Variants in NFIC observed in about 807,000 individuals in gnomAD.
The protein encoded by NFIC is nuclear factor I C, also known as nuclear factor 1 C-type.
A neutral mutation model predicts 54.4 loss-of-function variants in NFIC; 12 were observed. That is an observed-to-expected ratio of 0.22 (90% CI 0.14 to 0.36). The LOEUF is 0.36. Among genes scored for constraint, NFIC ranks in the 10% least tolerant of loss-of-function variants. The pLI, the probability that NFIC is intolerant of heterozygous loss-of-function variation, is 1.00. For synonymous variants in NFIC, 322 were observed against 319.2 expected (o/e 1.01, Z -0.09); for missense variants, 575 against 718.2 (o/e 0.80, Z 2.28).
chr19:3,379,681 T>A (rs55952610), intron 1 of NFIC, among the ~76,000 whole-genome samples: 2 of 51,214 alleles, frequency 3.9e-5, no homozygotes, highest in Non-Finnish European at 1.3e-4. Flanking sequence ...TTCTTTTTTT[T>A]TTTTTTTTTT....
Position 3,375,331 on chromosome 19 carries a change from G to A in NFIC, c.31-6381G>A, listed in dbSNP as rs535816004. Among the ~76,000 whole-genome samples the A allele has an allele frequency of 1.2e-3, 184 of 152,250 alleles. 1 individual carries two copies. Among genetic ancestry groups the A allele is most frequent in the African/African-American group, 4.2e-3 (176 of 41,556 alleles). On this transcript the variant is annotated intron_variant, in intron 1 of 10. Transcript: ENST00000443272. The surrounding 1 kb of genome is among the most constrained non-coding windows in gnomAD (Gnocchi z 4.6). The stretch of plus-strand genomic sequence containing the variant: ...CATCTCCTCCACAGGCAGGTCCTGC[G>A]CCTCTATGGGTCCTCTCTGCCGCGT...
intron 6 of NFIC, among the ~76,000 whole-genome samples, chr19:3,445,194 T>A (rs2082357305): frequency 6.7e-6 from 1 of 149,644 alleles, no homozygotes; most frequent in Admixed American, 6.6e-5. Context: ...CACATGCATG[T>A]ATTCACATGC....
intron 3 of NFIC, among the ~76,000 whole-genome samples, chr19:3,429,919 G>T (rs929309933): frequency 6.6e-6 from 1 of 152,152 alleles, no homozygotes; most frequent in African/African-American, 2.4e-5. Flanking sequence ...GTCACGGGGC[G>T]GTTGCCAGGC....
intron 10 of NFIC, 94 bp from the exon 11 acceptor site, chr19:3,462,658 G>A (rs926718050): frequency 7.1e-7 from 1 of 1,404,282 alleles, no homozygotes; most frequent in Non-Finnish European, 1.0e-6. Context: ...GGGTGAGCGT[G>A]GGAAGAGGTA....
chr19:3,361,783 C>T (rs966488920), upstream of NFIC, among the ~76,000 whole-genome samples: 1 of 152,138 alleles, frequency 6.6e-6, no homozygotes, highest in Non-Finnish European at 1.5e-5. Flanking sequence ...CAGCACACGG[C>T]ATGGCCCTCT....
intron 1 of NFIC, among the ~76,000 whole-genome samples, chr19:3,360,440 G>A (rs2080796136): frequency 6.6e-6 from 1 of 151,538 alleles, no homozygotes; most frequent in Non-Finnish European, 1.5e-5. Context: ...GGCTGCACTT[G>A]GGGTTCCGGT....
In NFIC at chr19:3,463,676, C is replaced by T; in HGVS notation, c.*907C>T. The T allele has an allele frequency of 2.0e-6, 2 of 982,856 alleles. No individual in the cohort carries two copies. Among genetic ancestry groups the T allele is most frequent in the Non-Finnish European group, 1.2e-6 (1 of 828,738 alleles). 60.9% of individuals were successfully genotyped at this position (982,856 alleles called of 1,614,324 possible). ...GCCCCCCCACCTCGCCCGGCTCACA[C>T]CCCCAAAGGGAGGGACCCACATTGC... is the stretch of plus-strand genomic sequence containing the variant. On this transcript the variant is annotated 3_prime_UTR_variant, in exon 11 of 11. Coordinates refer to ENST00000443272, the MANE Select transcript of NFIC (RefSeq NM_001245002.2).
rs201575539 is a variant in NFIC, at chr19:3,452,552, C to G, written c.1155C>G (p.Ala385=). 728 of 1,613,866 alleles carry G rather than the reference C, an allele frequency of 4.5e-4. 5 individuals carry two copies. The highest frequency in any genetic ancestry group is 2.8e-4 in the Admixed American group (17 of 60,004). The change falls in exon 8 of 11, where the codon GCC becomes GCG. Residue 385 remains alanine, a synonymous_variant. Transcript: ENST00000443272. This position sits in a 1 kb window ranked among gnomAD's most constrained non-coding sequence, Gnocchi z 5.3. ...FPTTSILPQT[A]STYFPHTAIR... ...CGACGTCCATCCTACCCCAGACGGC[C>G]TCCACCTACTTCCCCCACACGGCCA...
At chr19:3,403,768 C>T (rs975713296) in intron 2 of NFIC, among the ~76,000 whole-genome samples, 4 of 152,174 alleles carry the variant, frequency 2.6e-5, no homozygotes, top group Non-Finnish European at 2.9e-5. Context: ...GTTGGAGACG[C>T]GCCCCAAGAA....
intron 2 of NFIC, among the ~76,000 whole-genome samples, chr19:3,409,517 C>T (rs2081715086): frequency 1.3e-5 from 2 of 152,232 alleles, no homozygotes; most frequent in South Asian, 4.1e-4. Flanking sequence ...CCCCCAAGGC[C>T]TGGCGAGTAG....
chr19:3,428,371 C>T (rs1470134232), intron 3 of NFIC, among the ~76,000 whole-genome samples: 1 of 151,036 alleles, frequency 6.6e-6, no homozygotes, highest in Non-Finnish European at 1.5e-5. Context: ...ATTGCTTGAA[C>T]CCAGGAGGAG....
rs147718357 is a variant in NFIC at position 3,385,633 on chromosome 19, C to T, written c.562+3390C>T. 3.0e-3 allele frequency among the ~76,000 whole-genome samples: 427 copies of T among 141,836 alleles called. 2 individuals carry two copies. The highest frequency in any genetic ancestry group is 0.011 in the African/African-American group (402 of 37,518). The allele number at this position is 141,836 out of a possible 152,430, so 93.0% of individuals were successfully genotyped here. A position where few individuals can be genotyped will look rare whatever the true frequency, so the allele number is the denominator to read the frequency against. ...TGTCTCCCAGGCTGGAGTGCAATGA[C>T]GCAATCTTGGCTCACTGCAACCTCT... On this transcript the variant is annotated intron_variant, in intron 2 of 10. Transcript: ENST00000443272.
At chr19:3,430,796 G>A (rs1404702019) in intron 3 of NFIC, among the ~76,000 whole-genome samples, 3 of 151,942 alleles carry the variant, frequency 2.0e-5, no homozygotes, top group Non-Finnish European at 4.4e-5. Flanking sequence ...GACAGGCACT[G>A]TGGCAGGTAC....
chr19:3,464,335 C>G lies in NFIC; in HGVS notation c.*1566C>G. On this transcript the variant is annotated 3_prime_UTR_variant, in exon 11 of 11. Coordinates refer to ENST00000443272, the MANE Select transcript of NFIC (RefSeq NM_001245002.2). Reference sequence around the variant, plus strand: ...CGCAGCCGTGTAGGGGGCCTCCCATCTGCTAAGCGTTTTTCCGTTGAGCCG... The same window carrying G: ...CGCAGCCGTGTAGGGGGCCTCCCATGTGCTAAGCGTTTTTCCGTTGAGCCG... 1.0e-6 allele frequency: 1 copy of G among 985,212 alleles called. No homozygotes were observed. The highest frequency in any genetic ancestry group is 1.2e-6 in the Non-Finnish European group (1 of 829,844). 61.0% of individuals were successfully genotyped at this position (985,212 alleles called of 1,614,324 possible).
rs547450572 is a variant in NFIC, at chr19:3,387,427, G to A, written c.562+5184G>A. On this transcript the variant is annotated intron_variant, in intron 2 of 10. Coordinates refer to ENST00000443272, the MANE Select transcript of NFIC (RefSeq NM_001245002.2). ...TGAGGCAGGAGAATCGCTGGAACCC[G>A]GGAGGTTGCAGTGAGCCAAGATCGC... 6.6e-5 allele frequency among the ~76,000 whole-genome samples: 10 copies of A among 152,040 alleles called. No individual in the cohort carries two copies. The East Asian group carries it at 9.7e-4, about 15-fold the overall frequency.
At chr19:3,415,446 C>G (rs977783123) in intron 2 of NFIC, among the ~76,000 whole-genome samples, 7 of 152,128 alleles carry the variant, frequency 4.6e-5, no homozygotes, top group African/African-American at 1.4e-4. Flanking sequence ...TTTCTCGACT[C>G]AATCCTATTT....
chr19:3,447,734 G>A (rs1242472847), intron 6 of NFIC, among the ~76,000 whole-genome samples: 1 of 152,198 alleles, frequency 6.6e-6, no homozygotes, highest in Non-Finnish European at 1.5e-5. Flanking sequence ...AGACGTGGCA[G>A]CTCACCCCAG....
At chr19:3,363,241 G>GTGCGTGTGTGTGTGTGTA (rs1165983533), upstream of NFIC, among the ~76,000 whole-genome samples, 1 of 77,030 alleles carries the variant, frequency 1.3e-5, no homozygotes, top group Non-Finnish European at 2.5e-5. Flanking sequence ...GTATGTGTGT[G>GTGCGTGTGTGTGTGTGTA]TATATATATA....
At chr19:3,381,665 C>T in intron 1 of NFIC, 47 bp from the exon 2 acceptor site, 1 of 1,594,164 alleles carries the variant, frequency 6.3e-7, no homozygotes, top group Non-Finnish European at 8.5e-7. Context: ...GTGGGTCCGC[C>T]CTCTGCGTCC....
Sources: allele counts gnomAD v4.1 joint callset (sites outside exome capture counted in the v4.1 genomes callset), GRCh38; gene constraint gnomAD v4.1.1; non-coding constraint Gnocchi (gnomAD v3.1); transcripts MANE v1.5; gene names NCBI Gene and HGNC (gene_info 2026-07-23, HGNC 2026-07-21).